FAT4: variants seen among roughly 807,000 people sequenced by gnomAD.
FAT4 encodes protocadherin Fat 4.
A neutral mutation model predicts 303.9 loss-of-function variants in FAT4; 84 were observed. The observed-to-expected ratio is 0.28, with a 90% CI of 0.23 to 0.33. The LOEUF is 0.33. Among genes scored for constraint, FAT4 ranks in the 10% least tolerant of loss-of-function variants. The pLI is 1.00. For missense variants in FAT4, 6,005 were observed against 6,146.8 expected (o/e 0.98, Z 0.77); for synonymous variants, 2,307 against 2,298.8 (o/e 1.00, Z -0.10).
At position 125,414,920 on chromosome 4, in the gene FAT4, G is replaced by A. The variant is rs987681594; in HGVS notation, c.5957G>A (p.Gly1986Asp). ...CAATTGACTTATAGCATTGCTTCAG[G>A]TGATAGCCTTGGGCAGTTTACTGTT... ...NSQLTYSIAS[G>D]DSLGQFTVDK... The change falls in exon 6 of 18, where the codon GGT becomes GAT. Residue 1986 changes from glycine to aspartate, a missense_variant. Transcript: ENST00000394329. The A allele has an allele frequency of 8.1e-6, 13 of 1,609,606 alleles. No individual in the cohort carries two copies. Among genetic ancestry groups the A allele is most frequent in the Non-Finnish European group, 1.1e-5 (13 of 1,176,486 alleles).
chr4:125,425,918 G>A (rs995805336), intron 7 of FAT4, among the ~76,000 whole-genome samples: 4 of 152,096 alleles, frequency 2.6e-5, no homozygotes, highest in Non-Finnish European at 4.4e-5. Flanking sequence ...TCTAATTAAG[G>A]GCATTTATCA....
Position 125,315,975 on chromosome 4 carries a change from CG to C in FAT4, c.-13+1del, listed in dbSNP as rs930683751. Among the ~76,000 whole-genome samples, 1 of 152,168 alleles carries C rather than the reference CG, an allele frequency of 6.6e-6. No individual in the cohort carries two copies. Among genetic ancestry groups the C allele is most frequent in the African/African-American group, 2.4e-5 (1 of 41,446 alleles). On this transcript the variant is annotated splice_region_variant and 5_prime_UTR_variant, in exon 1 of 18. Coordinates refer to ENST00000394329, the MANE Select transcript of FAT4 (RefSeq NM_001291303.3). ...TCCTCCCTCTTCACGTTCTTCGCTG[CG>C]GGTAAGTTCTAAAGTTTCTGAAGAC... is the stretch of plus-strand genomic sequence containing the variant.
chr4:125,330,278 G>T (rs1181495835), intron 2 of FAT4, among the ~76,000 whole-genome samples: 1 of 151,590 alleles, frequency 6.6e-6, no homozygotes, highest in Non-Finnish European at 1.5e-5. Flanking sequence ...ACTTATTATT[G>T]TAACTATCCC....
chr4:125,482,014 A>G (rs1414712482), intron 16 of FAT4, among the ~76,000 whole-genome samples: 1 of 152,158 alleles, frequency 6.6e-6, no homozygotes, highest in East Asian at 1.9e-4. Flanking sequence ...GTTGCAATCT[A>G]TTTTTCTGGT....
rs202216461 is a variant in FAT4, at chr4:125,317,539, G to A, written c.1128G>A (p.Val376=). 5.1e-3 allele frequency: 8,159 copies of A among 1,613,874 alleles called. 20 individuals carry two copies. The highest frequency in any genetic ancestry group is 6.4e-3 in the Non-Finnish European group (7,522 of 1,180,002). ...ATGAGAATGCTCAAGTGGGCACCGT[G>A]GTGGCTCTGCTCACCGTGACGGACG... ...SVDENAQVGT[V]VALLTVTDAD... The change falls in exon 2 of 18, where the codon GTG becomes GTA. Residue 376 remains valine, a synonymous_variant. Coordinates refer to ENST00000394329, the MANE Select transcript of FAT4 (RefSeq NM_001291303.3). This position sits in a 1 kb window ranked among gnomAD's most constrained non-coding sequence, Gnocchi z 7.0.
intron 15 of FAT4, among the ~76,000 whole-genome samples, chr4:125,481,281 A>G (rs1727216789): frequency 6.6e-6 from 1 of 152,222 alleles, no homozygotes; most frequent in Admixed American, 6.5e-5. Flanking sequence ...ATATTTCCCA[A>G]ATGGTTAATG....
At chr4:125,324,607 A>G (rs1326121834) in intron 2 of FAT4, among the ~76,000 whole-genome samples, 7 of 152,194 alleles carry the variant, frequency 4.6e-5, no homozygotes, top group Non-Finnish European at 7.4e-5. Flanking sequence ...AGGAAACTCA[A>G]CAAGGAAGAG....
intron 3 of FAT4, among the ~76,000 whole-genome samples, chr4:125,404,809 A>G (rs538771668): frequency 6.6e-6 from 1 of 152,228 alleles, no homozygotes; most frequent in South Asian, 2.1e-4. Flanking sequence ...CTTCATATAT[A>G]TAAATACCTA....
At chr4:125,483,761 A>G (rs1466989521) in intron 16 of FAT4, among the ~76,000 whole-genome samples, 2 of 152,168 alleles carry the variant, frequency 1.3e-5, no homozygotes, top group Non-Finnish European at 2.9e-5. Context: ...ATAGGTAAGA[A>G]AAAATAACAA....
intron 17 of FAT4, among the ~76,000 whole-genome samples, chr4:125,488,830 C>T (rs1302920370): frequency 6.6e-6 from 1 of 152,010 alleles, no homozygotes; most frequent in Non-Finnish European, 1.5e-5. Flanking sequence ...GATGTGATCA[C>T]CTAACATGAG....
intron 8 of FAT4, among the ~76,000 whole-genome samples, chr4:125,444,126 A>T (rs1725749367): frequency 6.6e-6 from 1 of 152,216 alleles, no homozygotes; most frequent in African/African-American, 2.4e-5. Context: ...GCATAAAATT[A>T]AAAAATCAGA....
chr4:125,408,005 A>C (rs925945563), intron 4 of FAT4, among the ~76,000 whole-genome samples: 2 of 152,036 alleles, frequency 1.3e-5, no homozygotes, highest in Non-Finnish European at 2.9e-5. Context: ...ATCCCATCAC[A>C]CTTATTTCTT....
chr4:125,434,416 C>T lies in FAT4; in HGVS notation c.7190C>T (p.Ala2397Val). Residue 2397 changes from alanine to valine, a missense_variant, in exon 8 of 18, where the codon GCA becomes GTA. Transcript: ENST00000394329. ...NASDADASKN[A>V]VISYRIIGGN... ...TCAGATGCTGATGCTTCAAAGAATG[C>T]AGTTATAAGGTCAGTACATTTTCCT... 1.9e-6 allele frequency: 3 copies of T among 1,613,872 alleles called. No homozygotes were observed. Among genetic ancestry groups the T allele is most frequent in the Non-Finnish European group, 1.7e-6 (2 of 1,179,878 alleles).
At chr4:125,468,408 T>C in intron 11 of FAT4, 104 bp from the exon 12 acceptor site, 1 of 823,672 alleles carries the variant, frequency 1.2e-6, no homozygotes, top group Non-Finnish European at 1.7e-6. Flanking sequence ...TAAAAAAAGT[T>C]GTTAAAAGAT....
chr4:125,332,839 G>T (rs1331947004), intron 2 of FAT4, among the ~76,000 whole-genome samples: 1 of 151,992 alleles, frequency 6.6e-6, no homozygotes, highest in Non-Finnish European at 1.5e-5. Flanking sequence ...TCTAACTAAT[G>T]ATTAAAACGT....
chr4:125,368,541 A>ATAT (rs11391728), intron 2 of FAT4, among the ~76,000 whole-genome samples: 1,447 of 141,196 alleles, frequency 0.01, 9 homozygotes, highest in East Asian at 0.023. Flanking sequence ...TATATATATA[A>ATAT]AAATCATATT....
chr4:125,448,439 C>G (rs201064852), intron 9 of FAT4, 22 bp from the exon 10 acceptor site: 845 of 1,570,874 alleles, frequency 5.4e-4, no homozygotes, highest in Non-Finnish European at 7.0e-4. Flanking sequence ...GTGAGTATAA[C>G]TGCACACTTT....
At chr4:125,362,999 T>C (rs1357943771) in intron 2 of FAT4, 1 of 152,002 alleles carries the variant, frequency 6.6e-6, no homozygotes, top group Non-Finnish European at 1.5e-5. Flanking sequence ...AGTTGGATGG[T>C]TTATATAAAT....
Position 125,437,291 on chromosome 4 carries a change from G to C in FAT4, c.7199+2866G>C, listed in dbSNP as rs537333040. 5.9e-5 allele frequency among the ~76,000 whole-genome samples: 9 copies of C among 152,274 alleles called. No homozygotes were observed. In the South Asian group the frequency reaches 1.9e-3, roughly 32 times the overall value. ...GAATTCTCCAACACTTTAAAGGTAG[G>C]TTTAGGAGGAAAGGTCTCCAAGGAG... On this transcript the variant is annotated intron_variant, in intron 8 of 17. Transcript: ENST00000394329.
Sources: gnomAD v4.1 joint callset for allele counts (sites outside exome capture counted in the v4.1 genomes callset) on GRCh38, gnomAD v4.1.1 for gene constraint, Gnocchi (gnomAD v3.1) non-coding constraint, MANE v1.5 for transcripts, NCBI Gene and HGNC (gene_info 2026-07-23, HGNC 2026-07-21) for gene names.